The following TNIK variants were observed in gnomAD, a reference collection of about 807,000 sequenced individuals.
TNIK encodes TRAF2 and NCK-interacting protein kinase.
In TNIK, 49 loss-of-function variants were observed where a neutral mutation model predicts 191.3. The observed-to-expected ratio is 0.26, with a 90% CI of 0.20 to 0.32. The LOEUF (loss-of-function observed/expected upper bound fraction) is 0.32, where lower values mean the gene tolerates loss of function less well. TNIK is among the 10% of genes least tolerant of loss of function. The pLI is 1.00. For missense variants in TNIK, 1,155 were observed against 1,702.3 expected (o/e 0.68, Z 5.66); for synonymous variants, 594 against 600.9 (o/e 0.99, Z 0.17).
chr3:171,229,162 G>T lies in TNIK; in HGVS notation c.124-941C>A, dbSNP rs112580008. Among the ~76,000 whole-genome samples the T allele has an allele frequency of 5.2e-3, 787 of 152,296 alleles. 6 individuals are homozygous for T. Among genetic ancestry groups the T allele is most frequent in the Admixed American group, 0.012 (188 of 15,294 alleles). ...ATAATACCTAATGCATAGAATTGTA[G>T]TGAGAACGATATGAGATCATGTATA... On this transcript the variant is annotated intron_variant, in intron 2 of 32. Transcript: ENST00000436636.
At position 171,129,810 on chromosome 3, in the gene TNIK, G is replaced by A. The variant is rs555012141; in HGVS notation, c.1609-932C>T. On this transcript the variant is annotated intron_variant, in intron 15 of 32. Coordinates refer to ENST00000436636, the MANE Select transcript of TNIK (RefSeq NM_015028.4). ...ATATTTACAGCAGAAAGACTGCCTCGGAGGGCAATTTTAAAGAGAAACTTA... is the reference window on the plus strand; with the variant it reads ...ATATTTACAGCAGAAAGACTGCCTCAGAGGGCAATTTTAAAGAGAAACTTA... Among the ~76,000 whole-genome samples the A allele has an allele frequency of 2.6e-5, 4 of 152,294 alleles. No individual in the cohort carries two copies. In the South Asian group the frequency reaches 6.2e-4, roughly 24 times the overall value.
At chr3:171,236,634 G>A (rs1162450814) in intron 2 of TNIK, among the ~76,000 whole-genome samples, 4 of 152,128 alleles carry the variant, frequency 2.6e-5, no homozygotes, top group Non-Finnish European at 5.9e-5. Context: ...GAGGTAGGAC[G>A]ATGCAACTGT....
chr3:171,337,560 TC>T (rs1297498786), intron 2 of TNIK, among the ~76,000 whole-genome samples: 2 of 152,224 alleles, frequency 1.3e-5, no homozygotes, highest in African/African-American at 2.4e-5. Flanking sequence ...AGCAAGACTT[TC>T]CATGAAACTT....
chr3:171,334,024 T>C (rs778262017), intron 2 of TNIK, among the ~76,000 whole-genome samples: 9 of 152,132 alleles, frequency 5.9e-5, no homozygotes, highest in Non-Finnish European at 1.0e-4. Context: ...ACCACTGTTA[T>C]CATCACCCCT....
At chr3:171,136,829 G>A (rs1234661294) in intron 15 of TNIK, among the ~76,000 whole-genome samples, 1 of 152,190 alleles carries the variant, frequency 6.6e-6, no homozygotes. Flanking sequence ...GGAAGAACAG[G>A]TGGATTATTA....
chr3:171,233,733 T>C (rs1326009800), intron 2 of TNIK, among the ~76,000 whole-genome samples: 1 of 152,196 alleles, frequency 6.6e-6, no homozygotes, highest in East Asian at 1.9e-4. Flanking sequence ...TGTGCCTTCA[T>C]AGTGCTTGGC....
intron 2 of TNIK, among the ~76,000 whole-genome samples, chr3:171,257,378 C>T (rs557043871): frequency 1.3e-5 from 2 of 152,310 alleles, no homozygotes; most frequent in South Asian, 4.1e-4. Flanking sequence ...GTGACCCTGA[C>T]ACTTTAACCA....
intron 2 of TNIK, among the ~76,000 whole-genome samples, chr3:171,228,440 T>TA (rs144866017): frequency 9.3e-4 from 141 of 152,224 alleles, no homozygotes; most frequent in Non-Finnish European, 1.3e-3. Context: ...TCAAGTCAAA[T>TA]AAAAAATGCA....
intron 18 of TNIK, among the ~76,000 whole-genome samples, chr3:171,115,185 C>T (rs1560134535): frequency 6.6e-6 from 1 of 152,154 alleles, no homozygotes; most frequent in East Asian, 1.9e-4. Flanking sequence ...TAAAAAATCT[C>T]TTGAGAGGAG....
At chr3:171,107,983 A>G (rs1451918830) in intron 20 of TNIK, 82 bp downstream of exon 20, 1 of 1,403,286 alleles carries the variant, frequency 7.1e-7, no homozygotes, top group East Asian at 2.5e-5. Context: ...TGTTTGCATC[A>G]TGAGTGTATC....
chr3:171,442,413 G>T (rs1213622572), intron 1 of TNIK, among the ~76,000 whole-genome samples: 1 of 152,132 alleles, frequency 6.6e-6, no homozygotes, highest in Non-Finnish European at 1.5e-5. Context: ...AATTAAAGGG[G>T]GTTGGGGGAC....
intron 1 of TNIK, among the ~76,000 whole-genome samples, chr3:171,378,504 C>T (rs2108512868): frequency 6.6e-6 from 1 of 152,224 alleles, no homozygotes; most frequent in East Asian, 1.9e-4. Context: ...AAAGTGTTCG[C>T]TAAAAATTCT....
At chr3:171,160,538 C>T (rs1733856924) in intron 11 of TNIK, among the ~76,000 whole-genome samples, 2 of 151,714 alleles carry the variant, frequency 1.3e-5, no homozygotes, top group Admixed American at 6.6e-5. Flanking sequence ...CTGCATGGCA[C>T]CATGGGATGT....
intron 2 of TNIK, among the ~76,000 whole-genome samples, chr3:171,295,997 G>A (rs1285006587): frequency 6.6e-6 from 1 of 152,212 alleles, no homozygotes; most frequent in African/African-American, 2.4e-5. Context: ...TGTCACTGAG[G>A]TATTAGCAGT....
intron 4 of TNIK, among the ~76,000 whole-genome samples, chr3:171,203,648 T>C (rs1156899634): frequency 6.6e-6 from 1 of 152,260 alleles, no homozygotes; most frequent in Non-Finnish European, 1.5e-5. Flanking sequence ...ATATTTATCA[T>C]GGCAGCATTT....
chr3:171,125,338 T>C (rs1296644251), intron 17 of TNIK, among the ~76,000 whole-genome samples: 3 of 152,230 alleles, frequency 2.0e-5, no homozygotes, highest in Non-Finnish European at 4.4e-5. Flanking sequence ...GGCTGTTCTG[T>C]CCAGTGGAAT....
In TNIK at chr3:171,107,222, C is replaced by T; in HGVS notation, c.2383-16G>A. On this transcript the variant is annotated splice_polypyrimidine_tract_variant and intron_variant, in intron 20 of 32. Coordinates refer to ENST00000436636, the MANE Select transcript of TNIK (RefSeq NM_015028.4). The stretch of plus-strand genomic sequence containing the variant: ...TTTTGTAGCTCTGAAATGAGAGGAA[C>T]CCAATCCAGAAGAATCCACAGAAGG... 2 of 1,610,210 alleles carry T rather than the reference C, an allele frequency of 1.2e-6. 1 individual carries two copies. Among genetic ancestry groups the T allele is most frequent in the South Asian group, 2.2e-5 (2 of 89,952 alleles).
intron 22 of TNIK, among the ~76,000 whole-genome samples, chr3:171,099,903 T>C (rs1016848550): frequency 2.0e-5 from 3 of 152,218 alleles, no homozygotes; most frequent in African/African-American, 7.2e-5. Flanking sequence ...CTAATGAACA[T>C]CTTTGGTTGT....
intron 2 of TNIK, among the ~76,000 whole-genome samples, chr3:171,231,170 G>A (rs748577463): frequency 3.9e-5 from 6 of 152,222 alleles, no homozygotes; most frequent in South Asian, 2.1e-4. Context: ...GAGATGAGGC[G>A]GGATAAAAGT....
Sources: gnomAD v4.1 joint callset for allele counts (sites outside exome capture counted in the v4.1 genomes callset) on GRCh38, gnomAD v4.1.1 for gene constraint, MANE v1.5 for transcripts, NCBI Gene and HGNC (gene_info 2026-07-23, HGNC 2026-07-21) for gene names.